Variants in ARHGAP29 observed in about 807,000 individuals in gnomAD.
ARHGAP29 encodes the protein rho GTPase-activating protein 29.
Under a neutral mutation model 122.6 loss-of-function variants are expected in ARHGAP29, and 43 were observed. The ratio of observed to expected loss-of-function variants is 0.35; its 90% CI spans 0.27 to 0.45. The LOEUF (loss-of-function observed/expected upper bound fraction) is 0.45, where lower values mean the gene tolerates loss of function less well. Among genes scored for constraint, ARHGAP29 ranks in the 20% least tolerant of loss-of-function variants. The pLI, the probability that ARHGAP29 is intolerant of heterozygous loss-of-function variation, is 1.00. For synonymous variants in ARHGAP29, 506 were observed against 497.1 expected (o/e 1.02, Z -0.24); for missense variants, 1,303 against 1,477.2 (o/e 0.88, Z 1.93).
intron 1 of ARHGAP29, among the ~76,000 whole-genome samples, chr1:94,233,057 G>A (rs371810382): frequency 6.6e-6 from 1 of 150,800 alleles, no homozygotes; most frequent in Non-Finnish European, 1.5e-5. Context: ...CCATCTGCCC[G>A]CCAAAGCCAC....
At chr1:94,190,623 TATC>T (rs2101438429) in intron 12 of ARHGAP29, 1 of 152,552 alleles carries the variant, frequency 6.6e-6, no homozygotes, top group South Asian at 2.1e-4. Context: ...ATATTATCAC[TATC>T]ATCACTTGTA....
chr1:94,297,554 CT>C, the ARHGAP29 span, among the ~76,000 whole-genome samples: 2 of 152,044 alleles, frequency 1.3e-5, no homozygotes, highest in African/African-American at 4.8e-5. Context: ...TTTCTTTTTT[CT>C]TAGTAGTGCC....
At chr1:94,280,715 G>A in the ARHGAP29 span, among the ~76,000 whole-genome samples, 28 of 152,320 alleles carry the variant, frequency 1.8e-4, no homozygotes, top group African/African-American at 5.1e-4. Flanking sequence ...GGGCAGGAAC[G>A]GTGAGTGAAC....
chr1:94,220,467 GCA>G, intron 2 of ARHGAP29, 75 bp from the exon 3 acceptor site: 1 of 1,326,770 alleles, frequency 7.5e-7, no homozygotes. Flanking sequence ...GTCATCTGAA[GCA>G]CATTTCAAGT....
intron 1 of ARHGAP29, among the ~76,000 whole-genome samples, chr1:94,273,969 C>G (rs1320491086): frequency 2.0e-5 from 3 of 152,084 alleles, no homozygotes; most frequent in African/African-American, 7.2e-5. Context: ...TTAATAGTTA[C>G]TGAACACCTA....
intron 1 of ARHGAP29, among the ~76,000 whole-genome samples, chr1:94,272,211 T>C (rs2100734407): frequency 6.6e-6 from 1 of 152,320 alleles, no homozygotes; most frequent in South Asian, 2.1e-4. Flanking sequence ...AGACTTAGCC[T>C]GGATAGTAGA....
chr1:94,303,722 T>C, the ARHGAP29 span, among the ~76,000 whole-genome samples: 3 of 152,298 alleles, frequency 2.0e-5, no homozygotes, highest in South Asian at 6.2e-4. Flanking sequence ...CAGATATTAT[T>C]ATCTTCATGT....
intron 1 of ARHGAP29, among the ~76,000 whole-genome samples, chr1:94,261,163 G>T (rs1324632693): frequency 6.6e-6 from 1 of 152,120 alleles, no homozygotes; most frequent in Non-Finnish European, 1.5e-5. Flanking sequence ...TCAACACTTG[G>T]AAAGTCCCTT....
Position 94,184,892 on chromosome 1 carries a change from T to C in ARHGAP29, c.2089A>G (p.Asn697Asp). ...TGTACCTGTAGACACAAAGCTCTAT[T>C]TTCAATCTCTGAGGCACATATTTTG... is the stretch of plus-strand genomic sequence containing the variant. ...ILKICASEIE[N>D]RALCLQGIYR... The change falls in exon 18 of 23, where the codon AAT becomes GAT. Residue 697 changes from asparagine (N) to aspartate (D), a missense_variant. By Grantham distance (23) the Asn-to-Asp change is conservative (BLOSUM62 1). Coordinates refer to ENST00000260526, the MANE Select transcript of ARHGAP29 (RefSeq NM_004815.4). 6.3e-7 allele frequency: 1 copy of C among 1,599,600 alleles called. No individual in the cohort carries two copies. The highest frequency in any genetic ancestry group is 1.4e-5 in the African/African-American group (1 of 73,832).
At chr1:94,311,293 A>G in the ARHGAP29 span, among the ~76,000 whole-genome samples, 7 of 152,146 alleles carry the variant, frequency 4.6e-5, no homozygotes, top group African/African-American at 7.2e-5. Flanking sequence ...GCTGCCTTCG[A>G]TGAGCATTGA....
chr1:94,293,976 G>C, the ARHGAP29 span, among the ~76,000 whole-genome samples: 7 of 152,140 alleles, frequency 4.6e-5, no homozygotes, highest in African/African-American at 1.7e-4. Flanking sequence ...TCTTTCTGGT[G>C]ACCAGCCTCC....
At chr1:94,271,619 A>G (rs961164361) in intron 1 of ARHGAP29, among the ~76,000 whole-genome samples, 4 of 152,212 alleles carry the variant, frequency 2.6e-5, no homozygotes, top group African/African-American at 9.6e-5. Context: ...ATGCAGCTCA[A>G]GTGCCAATTT....
At chr1:94,243,957 A>G (rs1653698226) in intron 1 of ARHGAP29, among the ~76,000 whole-genome samples, 1 of 152,040 alleles carries the variant, frequency 6.6e-6, no homozygotes, top group African/African-American at 2.4e-5. Context: ...TGAAAGACAC[A>G]GATTACTAAC....
At chr1:94,230,757 C>A (rs149784706) in intron 2 of ARHGAP29, among the ~76,000 whole-genome samples, 1 of 151,590 alleles carries the variant, frequency 6.6e-6, no homozygotes, top group East Asian at 1.9e-4. Context: ...TATTTATTAT[C>A]CTTGCCATCA....
At chr1:94,220,534 G>C (rs1166716015) in intron 2 of ARHGAP29, 142 bp from the exon 3 acceptor site, 2 of 633,092 alleles carry the variant, frequency 3.2e-6, no homozygotes, top group Non-Finnish European at 5.2e-6. Flanking sequence ...TATCTTCACT[G>C]CTGCAATTAT....
intron 3 of ARHGAP29, among the ~76,000 whole-genome samples, chr1:94,214,269 CA>C (rs1651822634): frequency 6.6e-6 from 1 of 152,176 alleles, no homozygotes; most frequent in South Asian, 2.1e-4. Context: ...TTCCTCTGTT[CA>C]ATATCTATCT....
chr1:94,237,246 C>A (rs928582114), intron 1 of ARHGAP29, among the ~76,000 whole-genome samples, 169 bp downstream of exon 1: 1 of 152,144 alleles, frequency 6.6e-6, no homozygotes, highest in African/African-American at 2.4e-5. Flanking sequence ...GGACTCCAGT[C>A]CTGGCTCGAG....
In ARHGAP29 at chr1:94,173,018, A is replaced by G. The variant is rs1648842769; in HGVS notation, c.*851T>C. ...TTTAACCCAGACAAATCAAGAGGAAATGCACTGAATTCAAAAACTTCTGAA... is the reference window on the plus strand; with the variant it reads ...TTTAACCCAGACAAATCAAGAGGAAGTGCACTGAATTCAAAAACTTCTGAA... On this transcript the variant is annotated 3_prime_UTR_variant, in exon 23 of 23. Transcript: ENST00000260526. 2.0e-5 allele frequency: 3 copies of G among 152,624 alleles called. No homozygotes were observed. In the South Asian group the frequency reaches 6.2e-4, roughly 32 times the overall value. The allele number at this position is 152,624 out of a possible 1,614,324, so 9.5% of individuals were successfully genotyped here. A position where few individuals can be genotyped will look rare whatever the true frequency, so the allele number is the denominator to read the frequency against.
chr1:94,286,051 G>A, the ARHGAP29 span, among the ~76,000 whole-genome samples: 7 of 152,100 alleles, frequency 4.6e-5, no homozygotes, highest in African/African-American at 1.2e-4. Flanking sequence ...ATTATGTACT[G>A]AGTAGCTTAG....
Sources: allele counts gnomAD v4.1 joint callset (sites outside exome capture counted in the v4.1 genomes callset), GRCh38; gene constraint gnomAD v4.1.1; transcripts MANE v1.5; gene names NCBI Gene and HGNC (gene_info 2026-07-23, HGNC 2026-07-21).